DPP10: variants seen among roughly 807,000 people sequenced by gnomAD.
DPP10 encodes dipeptidyl peptidase like 10.
In DPP10, 33 loss-of-function variants were observed where a neutral mutation model predicts 120.9. That is an observed-to-expected ratio of 0.27 (90% CI 0.21 to 0.37). DPP10 has a LOEUF of 0.37. Ranked by LOEUF, DPP10 falls within the 10% of genes least tolerant of loss-of-function variation. The pLI, the probability that DPP10 is intolerant of heterozygous loss-of-function variation, is 1.00. For synonymous variants in DPP10, 337 were observed against 326.1 expected (o/e 1.03, Z -0.36); for missense variants, 816 against 942.8 (o/e 0.87, Z 1.76).
intron 1 of DPP10, among the ~76,000 whole-genome samples, chr2:114,663,656 T>TAG (rs1304879668): frequency 6.9e-3 from 655 of 95,014 alleles, no homozygotes; most frequent in South Asian, 0.017. Flanking sequence ...TATATATATA[T>TAG]ATATATATAT....
At chr2:114,899,919 C>T (rs539011033) in intron 1 of DPP10, among the ~76,000 whole-genome samples, 121 of 152,346 alleles carry the variant, frequency 7.9e-4, no homozygotes, top group African/African-American at 2.8e-3. Context: ...AAGATCGCAC[C>T]ACTGCACTCC....
intron 1 of DPP10, among the ~76,000 whole-genome samples, chr2:114,498,027 T>C (rs950324218): frequency 2.6e-5 from 4 of 152,244 alleles, no homozygotes; most frequent in Non-Finnish European, 5.9e-5. Flanking sequence ...CTTTCAAAAA[T>C]TGTTAATATT....
chr2:115,015,241 T>A (rs1435798679), intron 1 of DPP10, among the ~76,000 whole-genome samples: 3 of 151,962 alleles, frequency 2.0e-5, no homozygotes, highest in African/African-American at 7.2e-5. Context: ...ACAGAACCAA[T>A]GACAAAAACC....
intron 1 of DPP10, among the ~76,000 whole-genome samples, chr2:114,938,279 G>A (rs1209203469): frequency 2.0e-5 from 3 of 151,928 alleles, no homozygotes; most frequent in Non-Finnish European, 4.4e-5. Flanking sequence ...TGATATTAAG[G>A]AATATCCATT....
chr2:114,509,012 GAGAA>G (rs1400068173), intron 1 of DPP10, among the ~76,000 whole-genome samples: 1 of 152,138 alleles, frequency 6.6e-6, no homozygotes, highest in East Asian at 1.9e-4. Context: ...CAGCGAGAGT[GAGAA>G]AGAGAGAGAG....
chr2:115,775,174 T>C (rs1681948009), intron 13 of DPP10, among the ~76,000 whole-genome samples: 1 of 151,844 alleles, frequency 6.6e-6, no homozygotes, highest in African/African-American at 2.4e-5. Flanking sequence ...ATATATCCAA[T>C]GTCAGAATTT....
At chr2:115,763,832 C>A (rs997047778) in intron 12 of DPP10, among the ~76,000 whole-genome samples, 1 of 152,094 alleles carries the variant, frequency 6.6e-6, no homozygotes, top group Non-Finnish European at 1.5e-5. Flanking sequence ...TTAAAAGGTC[C>A]ACAAGGGATT....
At chr2:115,244,259 G>T (rs1256993420) in intron 1 of DPP10, among the ~76,000 whole-genome samples, 74 of 147,442 alleles carry the variant, frequency 5.0e-4, no homozygotes, top group Middle Eastern at 3.6e-3. Context: ...GAGAGAGAGA[G>T]AGAGAGAGAG....
At chr2:115,423,739 T>C (rs1222190326) in intron 3 of DPP10, among the ~76,000 whole-genome samples, 2 of 152,196 alleles carry the variant, frequency 1.3e-5, no homozygotes, top group Non-Finnish European at 2.9e-5. Flanking sequence ...CTTGTGGGAC[T>C]GTTGTCTGAT....
chr2:115,645,475 A>C (rs1318167251), intron 5 of DPP10, among the ~76,000 whole-genome samples: 1 of 152,142 alleles, frequency 6.6e-6, no homozygotes, highest in Non-Finnish European at 1.5e-5. Flanking sequence ...TCACCTGCCT[A>C]GAAACTATAT....
intron 1 of DPP10, among the ~76,000 whole-genome samples, chr2:114,957,777 AAAG>A (rs1326958940): frequency 1.3e-5 from 2 of 152,340 alleles, no homozygotes; most frequent in East Asian, 3.9e-4. Context: ...TATCCTTAAA[AAAG>A]AAGGAAATTC....
chr2:115,710,771 G>C (rs2092290684), intron 7 of DPP10, among the ~76,000 whole-genome samples: 2 of 151,992 alleles, frequency 1.3e-5, no homozygotes, highest in African/African-American at 4.8e-5. Context: ...TCGCTTGGTA[G>C]CTAATCTAGT....
At chr2:115,334,888 A>G (rs1487434733) in intron 2 of DPP10, among the ~76,000 whole-genome samples, 1 of 151,804 alleles carries the variant, frequency 6.6e-6, no homozygotes, top group Non-Finnish European at 1.5e-5. Context: ...AACCCAAAAA[A>G]TCTATGCAAA....
At chr2:115,490,827 A>G (rs1316335532) in intron 3 of DPP10, among the ~76,000 whole-genome samples, 1 of 152,210 alleles carries the variant, frequency 6.6e-6, no homozygotes, top group African/African-American at 2.4e-5. Context: ...ATTCAAAGCA[A>G]TTGCGAGAGG....
At chr2:114,921,736 TAGG>T (rs1695209765) in intron 1 of DPP10, among the ~76,000 whole-genome samples, 1 of 152,214 alleles carries the variant, frequency 6.6e-6, no homozygotes. Flanking sequence ...CTTTGGACCG[TAGG>T]TCACATTACT....
intron 1 of DPP10, among the ~76,000 whole-genome samples, chr2:114,482,070 A>G (rs1681108137): frequency 6.6e-6 from 1 of 152,092 alleles, no homozygotes; most frequent in Non-Finnish European, 1.5e-5. Flanking sequence ...CTAGCATGAG[A>G]ACAGCATGGC....
At position 115,400,833 on chromosome 2, in the gene DPP10, G is replaced by T. The variant is rs11898586; in HGVS notation, c.271+56921G>T. Among the ~76,000 whole-genome samples, 51 of 152,292 alleles carry T rather than the reference G, an allele frequency of 3.3e-4. 1 individual carries two copies. In the South Asian group the frequency reaches 8.9e-3, roughly 27 times the overall value. The stretch of plus-strand genomic sequence containing the variant: ...GCCATCTTCACTCCCCACGTCAATA[G>T]AGTCAGCAAGAATAGTATTTGTAAC... On this transcript the variant is annotated intron_variant, in intron 3 of 25. Coordinates refer to ENST00000410059, the MANE Select transcript of DPP10 (RefSeq NM_020868.6).
At chr2:114,791,904 T>C (rs1013176182) in intron 1 of DPP10, among the ~76,000 whole-genome samples, 5 of 152,220 alleles carry the variant, frequency 3.3e-5, no homozygotes, top group African/African-American at 1.2e-4. Context: ...ATCTGTATAT[T>C]CTAAATAGTT....
intron 1 of DPP10, among the ~76,000 whole-genome samples, chr2:115,228,773 A>G (rs1363784542): frequency 6.6e-6 from 1 of 152,090 alleles, no homozygotes; most frequent in African/African-American, 2.4e-5. Flanking sequence ...TCATCCACTC[A>G]TCTGTTGATG....
Sources: allele counts gnomAD v4.1 joint callset (sites outside exome capture counted in the v4.1 genomes callset), GRCh38; gene constraint gnomAD v4.1.1; transcripts MANE v1.5; gene names NCBI Gene and HGNC (gene_info 2026-07-23, HGNC 2026-07-21).